The following MDGA2 variants were observed in gnomAD, a reference collection of about 807,000 sequenced individuals.
MDGA2 encodes MAM domain-containing glycosylphosphatidylinositol anchor protein 2.
In MDGA2, 40 loss-of-function variants were observed where a neutral mutation model predicts 117.8. That is an observed-to-expected ratio of 0.34 (90% CI 0.26 to 0.44). The LOEUF (loss-of-function observed/expected upper bound fraction) is 0.44. Among genes scored for constraint, MDGA2 ranks in the 20% least tolerant of loss-of-function variants. The pLI is 1.00. For missense variants in MDGA2, 1,123 were observed against 1,250.6 expected (o/e 0.90, Z 1.54); for synonymous variants, 452 against 439.0 (o/e 1.03, Z -0.37).
intron 3 of MDGA2, among the ~76,000 whole-genome samples, chr14:47,209,620 A>G (rs1268292181): frequency 6.6e-6 from 1 of 152,212 alleles, no homozygotes; most frequent in African/African-American, 2.4e-5. Context: ...ACGAATCAGT[A>G]AACAGGTATG....
intron 1 of MDGA2, among the ~76,000 whole-genome samples, chr14:47,557,391 G>A (rs1031803254): frequency 8.5e-5 from 13 of 152,108 alleles, no homozygotes; most frequent in African/African-American, 2.9e-4. Context: ...AAATTTAAGG[G>A]TGTAATTTGC....
intron 3 of MDGA2, among the ~76,000 whole-genome samples, chr14:47,156,539 C>A (rs772903158): frequency 6.6e-6 from 1 of 152,090 alleles, no homozygotes; most frequent in Non-Finnish European, 1.5e-5. Context: ...TTATTAACTG[C>A]GACTGAAGTC....
chr14:47,448,904 T>C (rs114833858), intron 1 of MDGA2, among the ~76,000 whole-genome samples: 2,270 of 152,224 alleles, frequency 0.015, 51 homozygotes, highest in African/African-American at 0.051. Context: ...TTTCATTAAA[T>C]TGTAGGTTAC....
intron 2 of MDGA2, among the ~76,000 whole-genome samples, chr14:47,253,957 C>T (rs1287448475): frequency 1.3e-5 from 2 of 152,250 alleles, no homozygotes; most frequent in South Asian, 2.1e-4. Context: ...GCTGCCAAGG[C>T]TTGGGGCTTG....
At chr14:47,271,933 G>C (rs1421021246) in intron 2 of MDGA2, among the ~76,000 whole-genome samples, 2 of 152,000 alleles carry the variant, frequency 1.3e-5, no homozygotes, top group African/African-American at 4.8e-5. Context: ...TAAGTTGATA[G>C]TTTGCTATTG....
At chr14:46,935,488 A>G (rs190046602) in intron 9 of MDGA2, among the ~76,000 whole-genome samples, 9 of 152,300 alleles carry the variant, frequency 5.9e-5, no homozygotes, top group African/African-American at 1.9e-4. Context: ...CACAAGATAT[A>G]CAAAAGCATT....
intron 1 of MDGA2, among the ~76,000 whole-genome samples, chr14:47,499,290 A>G (rs1315315609): frequency 2.0e-5 from 3 of 152,148 alleles, no homozygotes; most frequent in Admixed American, 1.3e-4. Flanking sequence ...GGAGATATCA[A>G]TACTCCAGGA....
At chr14:46,992,070 CTCTT>C (rs1315174330) in intron 8 of MDGA2, among the ~76,000 whole-genome samples, 24 of 152,234 alleles carry the variant, frequency 1.6e-4, no homozygotes, top group East Asian at 1.9e-4. Flanking sequence ...TAACAATACA[CTCTT>C]TCTGTCAAAA....
intron 1 of MDGA2, among the ~76,000 whole-genome samples, chr14:47,546,032 G>GA (rs1284925400): frequency 1.3e-5 from 2 of 151,976 alleles, no homozygotes; most frequent in African/African-American, 2.4e-5. Context: ...GTGGAATGGA[G>GA]AAAAAAGTAC....
intron 1 of MDGA2, among the ~76,000 whole-genome samples, chr14:47,423,157 T>C (rs992559666): frequency 6.6e-6 from 1 of 152,186 alleles, no homozygotes; most frequent in Non-Finnish European, 1.5e-5. Flanking sequence ...ATCTGTATAA[T>C]GATATATTAA....
intron 3 of MDGA2, chr14:47,200,534 C>CTTTTTTTTTTTTTTTTTTTTTTCTTT (rs10639284): frequency 5.1e-6 from 2 of 390,740 alleles, no homozygotes; most frequent in Non-Finnish European, 8.4e-6. Context: ...TTTTTCTTTT[C>CTTTTTTTTTTTTTTTTTTTTTTCTTT]TTTTTTTTTT....
At chr14:47,040,144 T>C (rs563185756) in intron 7 of MDGA2, among the ~76,000 whole-genome samples, 13 of 152,174 alleles carry the variant, frequency 8.5e-5, no homozygotes, top group African/African-American at 3.1e-4. Context: ...ATACCATCTC[T>C]CACATAGAGA....
At chr14:47,005,662 T>C (rs961820616) in intron 8 of MDGA2, among the ~76,000 whole-genome samples, 2 of 151,476 alleles carry the variant, frequency 1.3e-5, no homozygotes, top group Non-Finnish European at 3.0e-5. Context: ...TACACTTTGG[T>C]TTTCTGAAAA....
chr14:47,382,988 A>G (rs369116832), intron 1 of MDGA2, among the ~76,000 whole-genome samples: 10 of 152,226 alleles, frequency 6.6e-5, no homozygotes, highest in African/African-American at 2.2e-4. Flanking sequence ...GATTAATAAA[A>G]TGTGGCACAT....
At chr14:47,539,571 C>T (rs186427414) in intron 1 of MDGA2, among the ~76,000 whole-genome samples, 3 of 152,300 alleles carry the variant, frequency 2.0e-5, no homozygotes, top group Admixed American at 2.0e-4. Flanking sequence ...CATTTCTATT[C>T]TGTTATCTTT....
chr14:47,373,203 T>C (rs577212437), intron 1 of MDGA2, among the ~76,000 whole-genome samples: 1 of 152,180 alleles, frequency 6.6e-6, no homozygotes. Flanking sequence ...AATTGTTTTA[T>C]TTAAATATAG....
intron 1 of MDGA2, among the ~76,000 whole-genome samples, chr14:47,313,179 T>C (rs1889698240): frequency 6.6e-6 from 1 of 152,110 alleles, no homozygotes; most frequent in South Asian, 2.1e-4. Flanking sequence ...GATCATGTTT[T>C]TGTTAGATGT....
intron 2 of MDGA2, among the ~76,000 whole-genome samples, chr14:47,298,071 A>G (rs1889139705): frequency 6.6e-6 from 1 of 152,152 alleles, no homozygotes; most frequent in Admixed American, 6.5e-5. Flanking sequence ...TATAAATTTA[A>G]CTCTCAAAAG....
intron 3 of MDGA2, among the ~76,000 whole-genome samples, chr14:47,162,480 G>C (rs188523440): frequency 6.6e-6 from 1 of 152,110 alleles, no homozygotes; most frequent in East Asian, 1.9e-4. Context: ...TCAAATATAA[G>C]AACTCTGATA....
Sources: allele counts gnomAD v4.1 joint callset (sites outside exome capture counted in the v4.1 genomes callset), GRCh38; gene constraint gnomAD v4.1.1; transcripts MANE v1.5; gene names NCBI Gene and HGNC (gene_info 2026-07-23, HGNC 2026-07-21).